Variants in SLC24A4 observed in about 807,000 individuals in gnomAD.
The protein encoded by SLC24A4 is sodium/potassium/calcium exchanger 4.
Under a neutral mutation model 79.0 loss-of-function variants are expected in SLC24A4, and 53 were observed. That is an observed-to-expected ratio of 0.67 (90% confidence interval 0.54 to 0.84). The LOEUF (loss-of-function observed/expected upper bound fraction) is 0.84, where lower values mean the gene tolerates loss of function less well. Ranked by LOEUF, SLC24A4 falls within the 40% of genes least tolerant of loss-of-function variation. The pLI is 0.00. For synonymous variants in SLC24A4, 323 were observed against 323.8 expected (o/e 1.00, Z 0.03); for missense variants, 731 against 822.0 (o/e 0.89, Z 1.35).
chr14:92,362,594 T>C (rs920460854), intron 2 of SLC24A4, among the ~76,000 whole-genome samples: 2 of 152,158 alleles, frequency 1.3e-5, no homozygotes, highest in African/African-American at 2.4e-5. Flanking sequence ...ATGGAAGAGA[T>C]GGCTTCTAGC....
chr14:92,361,851 T>C (rs999048645), intron 2 of SLC24A4, among the ~76,000 whole-genome samples: 15 of 152,080 alleles, frequency 9.9e-5, no homozygotes, highest in Non-Finnish European at 1.5e-4. Context: ...GAGAGGAACA[T>C]GTGTCCAGCT....
chr14:92,491,965 G>A (rs368146066), intron 15 of SLC24A4, among the ~76,000 whole-genome samples, 188 bp downstream of exon 15: 4 of 152,106 alleles, frequency 2.6e-5, no homozygotes, highest in South Asian at 4.1e-4. Flanking sequence ...GCCCGCTGGC[G>A]TGCCTCTCCC....
At chr14:92,437,300 G>T (rs1250312222) in intron 3 of SLC24A4, among the ~76,000 whole-genome samples, 1 of 152,164 alleles carries the variant, frequency 6.6e-6, no homozygotes, top group African/African-American at 2.4e-5. Context: ...TTTCCTGGTA[G>T]ATATTTTACT....
chr14:92,393,939 A>G (rs1467221675), intron 2 of SLC24A4, among the ~76,000 whole-genome samples: 1 of 151,922 alleles, frequency 6.6e-6, no homozygotes, highest in East Asian at 2.0e-4. Context: ...TGAACCCAGG[A>G]GGTGGAGGTT....
rs1892543132 is a variant in SLC24A4 at position 92,442,254 on chromosome 14, C to G, written c.478+81C>G. ...AGAGCAGTGGGGGCATTTGTCAGCT[C>G]TGAGCCTCAGTTTTCTCATCTGTAA... On this transcript the variant is annotated intron_variant, in intron 5 of 16. Transcript: ENST00000532405. The G allele has an allele frequency of 3.6e-6, 4 of 1,119,826 alleles. No homozygotes were observed. In the South Asian group the frequency reaches 4.1e-5, roughly 11 times the overall value. The allele number at this position is 1,119,826 out of a possible 1,614,324, so 69.4% of individuals were successfully genotyped here. A position where few individuals can be genotyped will look rare whatever the true frequency, so the allele number is the denominator to read the frequency against.
chr14:92,486,802 T>C, intron 14 of SLC24A4, 22 bp downstream of exon 14: 1 of 1,575,412 alleles, frequency 6.3e-7, no homozygotes, highest in Non-Finnish European at 8.7e-7. Context: ...GCCCCAGCCC[T>C]CATAGTCATG....
Position 92,323,977 on chromosome 14 carries a change from G to A in SLC24A4, c.130+17G>A. On this transcript the variant is annotated intron_variant, in intron 1 of 16. Coordinates refer to ENST00000532405, the MANE Select transcript of SLC24A4 (RefSeq NM_153646.4). This position sits in a 1 kb window ranked among gnomAD's most constrained non-coding sequence, Gnocchi z 4.9. The stretch of plus-strand genomic sequence containing the variant: ...GCAGCTTGGGTGGGTGCTGGTACGG[G>A]TCCCCTCTTCCTGGGGAGTTGGGGG... 1 of 1,606,992 alleles carries A rather than the reference G, an allele frequency of 6.2e-7. No homozygotes were observed. The highest frequency in any genetic ancestry group is 8.5e-7 in the Non-Finnish European group (1 of 1,177,648).
intron 2 of SLC24A4, among the ~76,000 whole-genome samples, chr14:92,352,183 T>C (rs562264867): frequency 6.6e-6 from 1 of 152,002 alleles, no homozygotes; most frequent in Non-Finnish European, 1.5e-5. Context: ...GAGCTATGAA[T>C]GAGAGGCACC....
At chr14:92,326,721 C>A (rs754058638) in intron 2 of SLC24A4, among the ~76,000 whole-genome samples, 1 of 152,142 alleles carries the variant, frequency 6.6e-6, no homozygotes, top group Non-Finnish European at 1.5e-5. Flanking sequence ...CTGGCTGTAA[C>A]CCTTAAGGTC....
At chr14:92,487,093 A>G (rs569509017) in intron 14 of SLC24A4, among the ~76,000 whole-genome samples, 5 of 152,216 alleles carry the variant, frequency 3.3e-5, no homozygotes, top group Non-Finnish European at 7.3e-5. Flanking sequence ...TTATACAGCA[A>G]ATGAGCTAAT....
intron 2 of SLC24A4, among the ~76,000 whole-genome samples, chr14:92,388,547 G>C (rs1355414051): frequency 6.6e-6 from 1 of 152,208 alleles, no homozygotes. Context: ...CCACGGCCTG[G>C]TTCGCCTCTC....
At chr14:92,456,366 A>G (rs767365388) in intron 11 of SLC24A4, 38 bp from the exon 12 acceptor site, 1 of 1,608,892 alleles carries the variant, frequency 6.2e-7, no homozygotes, top group Admixed American at 1.7e-5. Flanking sequence ...ATGCTTTATC[A>G]CATGCCTTGG....
chr14:92,409,602 C>T (rs936687324), intron 2 of SLC24A4, among the ~76,000 whole-genome samples: 1 of 152,160 alleles, frequency 6.6e-6, no homozygotes, highest in Non-Finnish European at 1.5e-5. Context: ...CAAAATATTA[C>T]CAGACTGGGA....
chr14:92,483,438 C>T (rs1895176158), intron 13 of SLC24A4, among the ~76,000 whole-genome samples: 3 of 152,172 alleles, frequency 2.0e-5, no homozygotes, highest in Admixed American at 2.0e-4. Context: ...TAGTGAGTGC[C>T]AGAGTTAGGA....
rs114947492 is a variant in SLC24A4 at position 92,416,462 on chromosome 14, A to G, written c.242-17450A>G. 7.3e-3 allele frequency among the ~76,000 whole-genome samples: 1,104 copies of G among 152,252 alleles called. 19 individuals are homozygous for G. The highest frequency in any genetic ancestry group is 0.026 in the African/African-American group (1,061 of 41,520). ...TGAGGCCAGCACTGCCAAAATAACAATGGCAGAACTGAACTTTCCAGACTT... is the reference window on the plus strand; with the variant it reads ...TGAGGCCAGCACTGCCAAAATAACAGTGGCAGAACTGAACTTTCCAGACTT... On this transcript the variant is annotated intron_variant, in intron 2 of 16. Transcript: ENST00000532405.
At chr14:92,337,911 A>C (rs555240531) in intron 2 of SLC24A4, among the ~76,000 whole-genome samples, 3 of 152,230 alleles carry the variant, frequency 2.0e-5, no homozygotes, top group South Asian at 2.1e-4. Context: ...ATAACTTCAC[A>C]GTACAAATTT....
intron 2 of SLC24A4, among the ~76,000 whole-genome samples, chr14:92,371,805 G>A (rs1012770652): frequency 2.6e-5 from 4 of 152,226 alleles, no homozygotes; most frequent in African/African-American, 9.6e-5. Context: ...AAGACATTTT[G>A]AGCATAGCAA....
chr14:92,440,878 A>AAGGGC (rs1892452714), intron 4 of SLC24A4, among the ~76,000 whole-genome samples: 1 of 151,424 alleles, frequency 6.6e-6, no homozygotes, highest in African/African-American at 2.4e-5. Context: ...AAGGGAAGGG[A>AAGGGC]AGGGCATCCC....
At chr14:92,374,086 C>A (rs963590015) in intron 2 of SLC24A4, among the ~76,000 whole-genome samples, 2 of 152,228 alleles carry the variant, frequency 1.3e-5, no homozygotes, top group African/African-American at 4.8e-5. Context: ...GCAAGGGAGG[C>A]CCCAGCCAAA....
Sources: allele counts gnomAD v4.1 joint callset (sites outside exome capture counted in the v4.1 genomes callset), GRCh38; gene constraint gnomAD v4.1.1; non-coding constraint Gnocchi (gnomAD v3.1); transcripts MANE v1.5; gene names NCBI Gene and HGNC (gene_info 2026-07-23, HGNC 2026-07-21).